Variants in SFI1 observed in about 807,000 individuals in gnomAD.
The protein encoded by SFI1 is SFI1 centrin binding protein.
SFI1 carries 195 observed loss-of-function variants against 207.5 expected under a neutral mutation model. That is an observed-to-expected ratio of 0.94 (90% confidence interval 0.84 to 1.06). The LOEUF is 1.06. SFI1 is among the 50% of genes least tolerant of loss of function. SFI1 has a pLI of 0.00. For missense variants in SFI1, 1,634 were observed against 1,588.0 expected (o/e 1.03, Z -0.49); for synonymous variants, 630 against 598.9 (o/e 1.05, Z -0.76).
At chr22:31,597,562 G>A (rs2067338846) in intron 15 of SFI1, among the ~76,000 whole-genome samples, 1 of 152,162 alleles carries the variant, frequency 6.6e-6, no homozygotes, top group Non-Finnish European at 1.5e-5. Flanking sequence ...AAATTGAGAT[G>A]ATGTGGTCAT....
intron 2 of SFI1, among the ~76,000 whole-genome samples, chr22:31,515,829 C>T (rs1270641942): frequency 6.6e-6 from 1 of 151,248 alleles, no homozygotes; most frequent in Non-Finnish European, 1.5e-5. Context: ...CCTGCATCCC[C>T]TGGGTTCAAG....
intron 14 of SFI1, among the ~76,000 whole-genome samples, chr22:31,586,254 C>T (rs1218480663): frequency 6.6e-6 from 1 of 152,128 alleles, no homozygotes; most frequent in Non-Finnish European, 1.5e-5. Context: ...GGCCAGTCCA[C>T]CTCCACCCCT....
In SFI1 at chr22:31,617,063, C is replaced by T. The variant is rs1569474199; in HGVS notation, c.3497C>T (p.Thr1166Ile). ...CAGCAACTACTGCACTACCAGACCA[C>T]CAAGCAGAACCTCTGGTGAGCCCTG... ...IQQQLLHYQT[T>I]KQNLWSCRRQ... Residue 1166 changes from threonine to isoleucine, a missense_variant, in exon 31 of 33, where the codon ACC becomes ATC. Transcript: ENST00000400288. 9.9e-6 allele frequency: 16 copies of T among 1,614,040 alleles called. No homozygotes were observed. In the East Asian group the frequency reaches 3.3e-4, roughly 34 times the overall value.
chr22:31,501,412 C>T (rs933234082), intron 1 of SFI1, among the ~76,000 whole-genome samples: 3 of 152,046 alleles, frequency 2.0e-5, no homozygotes, highest in Admixed American at 6.6e-5. Context: ...ACCTCATGAC[C>T]GCCCATCTCG....
At position 31,618,151 on chromosome 22, in the gene SFI1, G is replaced by T. The variant is rs1298693469; in HGVS notation, c.3549G>T (p.Trp1183Cys). ...GGCAAGCGAGCAGCCTGCGCAGGTG[G>T]CTGGAGCTGAACAGAGAGGAGCCGG... is the stretch of plus-strand genomic sequence containing the variant. ...CRRQASSLRRWLELNREEPGP... is the reference protein window; with the variant it reads ...CRRQASSLRRCLELNREEPGP... Residue 1183 changes from tryptophan (W) to cysteine (C), a missense_variant, in exon 32 of 33, where the codon TGG (tryptophan) becomes TGT (cysteine). Physicochemically the swap from Trp to Cys is radical, Grantham distance 215. Transcript: ENST00000400288. The T allele has an allele frequency of 6.3e-7, 1 of 1,588,830 alleles. No homozygotes were observed. Among genetic ancestry groups the T allele is most frequent in the African/African-American group, 1.3e-5 (1 of 74,906 alleles).
chr22:31,511,473 T>G (rs1305768866), intron 2 of SFI1, among the ~76,000 whole-genome samples: 1 of 143,884 alleles, frequency 7.0e-6, no homozygotes, highest in African/African-American at 2.6e-5. Context: ...TGTTTTTTTT[T>G]TTTTTTTTTT....
intron 6 of SFI1, among the ~76,000 whole-genome samples, chr22:31,555,282 G>A (rs547530405): frequency 6.6e-6 from 1 of 152,212 alleles, no homozygotes; most frequent in South Asian, 2.1e-4. Context: ...GGGCCCAGGA[G>A]TTCGAGACCA....
At chr22:31,590,281 T>C (rs868297909) in intron 15 of SFI1, among the ~76,000 whole-genome samples, 10 of 152,026 alleles carry the variant, frequency 6.6e-5, no homozygotes, top group African/African-American at 1.2e-4. Flanking sequence ...AGTTGACACA[T>C]AGAATCCACC....
chr22:31,571,413 A>G (rs2062934971), intron 8 of SFI1, among the ~76,000 whole-genome samples: 1 of 151,926 alleles, frequency 6.6e-6, no homozygotes, highest in Non-Finnish European at 1.5e-5. Flanking sequence ...ACCAGGCTCA[A>G]GCGATCCTCC....
At chr22:31,600,329 G>A (rs1181838899) in intron 15 of SFI1, among the ~76,000 whole-genome samples, 1 of 152,138 alleles carries the variant, frequency 6.6e-6, no homozygotes, top group Non-Finnish European at 1.5e-5. Flanking sequence ...ATGTTCATCT[G>A]TATCATTTCC....
At chr22:31,530,259 G>A (rs571504520) in intron 3 of SFI1, among the ~76,000 whole-genome samples, 2 of 145,902 alleles carry the variant, frequency 1.4e-5, no homozygotes, top group East Asian at 2.0e-4. Context: ...GGGAGGCCGA[G>A]GCGGGTGGAT....
chr22:31,577,499 C>T (rs2063652127), intron 10 of SFI1, among the ~76,000 whole-genome samples: 1 of 152,166 alleles, frequency 6.6e-6, no homozygotes. Context: ...TCTTGAACTC[C>T]TGGGCTTAAG....
chr22:31,565,917 C>T (rs1011725151), intron 8 of SFI1, among the ~76,000 whole-genome samples: 1 of 152,058 alleles, frequency 6.6e-6, no homozygotes, highest in South Asian at 2.1e-4. Flanking sequence ...AGTTCTTACA[C>T]CTTGGCTTCT....
At chr22:31,611,929 C>T (rs559138790) in intron 24 of SFI1, 89 bp downstream of exon 24, 2 of 1,543,148 alleles carry the variant, frequency 1.3e-6, no homozygotes, top group East Asian at 2.4e-5. Context: ...CAGCCTACAC[C>T]TCTAGTTCAG....
chr22:31,548,682 G>T (rs1421737526), intron 5 of SFI1, among the ~76,000 whole-genome samples: 1 of 151,390 alleles, frequency 6.6e-6, no homozygotes, highest in African/African-American at 2.4e-5. Flanking sequence ...GGTGGCATGT[G>T]CCTGTAGTCC....
intron 1 of SFI1, among the ~76,000 whole-genome samples, chr22:31,506,295 G>A (rs1006489857): frequency 3.9e-5 from 6 of 151,902 alleles, no homozygotes; most frequent in East Asian, 1.9e-4. Context: ...TGATCTGCCC[G>A]ACTCAGCCTC....
intron 2 of SFI1, among the ~76,000 whole-genome samples, chr22:31,510,934 T>G (rs1456412108): frequency 1.3e-5 from 2 of 152,196 alleles, no homozygotes; most frequent in African/African-American, 4.8e-5. Context: ...CATTGGTTGA[T>G]CTAGGTAAAG....
intron 24 of SFI1, chr22:31,612,398 A>AAAATATAT (rs1556369798): frequency 1.5e-4 from 9 of 60,202 alleles, no homozygotes; most frequent in African/African-American, 5.3e-4. Context: ...AAAAAAAAAA[A>AAAATATAT]ATATATATAT....
At chr22:31,601,192 C>T (rs1288192185) in intron 15 of SFI1, among the ~76,000 whole-genome samples, 2 of 142,212 alleles carry the variant, frequency 1.4e-5, no homozygotes, top group African/African-American at 2.6e-5. Context: ...GGCACGATCT[C>T]GGCTCACTGC....
Sources: allele counts gnomAD v4.1 joint callset (sites outside exome capture counted in the v4.1 genomes callset), GRCh38; gene constraint gnomAD v4.1.1; transcripts MANE v1.5; gene names NCBI Gene and HGNC (gene_info 2026-07-23, HGNC 2026-07-21).